Variants in FRMD3 observed in about 807,000 individuals in gnomAD.
FRMD3 encodes the protein FERM domain-containing protein 3.
FRMD3 carries 33 observed loss-of-function variants against 70.2 expected under a neutral mutation model. That is an observed-to-expected ratio of 0.47 (90% CI 0.36 to 0.63). FRMD3 has a LOEUF of 0.63. Among genes scored for constraint, FRMD3 ranks in the 20% least tolerant of loss-of-function variants. FRMD3 has a pLI of 0.00. For missense variants in FRMD3, 632 were observed against 711.4 expected (o/e 0.89, Z 1.27); for synonymous variants, 279 against 255.9 (o/e 1.09, Z -0.86).
chr9:83,455,910 A>G (rs1827805010), intron 1 of FRMD3, among the ~76,000 whole-genome samples: 1 of 152,234 alleles, frequency 6.6e-6, no homozygotes, highest in African/African-American at 2.4e-5. Flanking sequence ...CATAATCATT[A>G]AAAATATTGA....
chr9:83,567,913 T>C, the FRMD3 span, among the ~76,000 whole-genome samples: 16 of 152,228 alleles, frequency 1.1e-4, 1 homozygote, highest in Admixed American at 1.0e-3. Context: ...AGCCTCTGCC[T>C]GTTACCCAGT....
At chr9:83,427,132 T>C (rs1340054638) in intron 1 of FRMD3, among the ~76,000 whole-genome samples, 3 of 152,196 alleles carry the variant, frequency 2.0e-5, no homozygotes, top group Non-Finnish European at 4.4e-5. Context: ...TGTTCAAAAT[T>C]CAGGTTCCCA....
At chr9:83,399,766 C>G (rs1825901236) in intron 1 of FRMD3, among the ~76,000 whole-genome samples, 1 of 152,064 alleles carries the variant, frequency 6.6e-6, no homozygotes, top group Non-Finnish European at 1.5e-5. Flanking sequence ...TAAATAACTT[C>G]CTCAACTTGA....
intron 1 of FRMD3, among the ~76,000 whole-genome samples, chr9:83,520,059 G>A (rs552956940): frequency 8.5e-5 from 13 of 152,262 alleles, no homozygotes; most frequent in African/African-American, 3.1e-4. Flanking sequence ...GAGTTGATGG[G>A]TGCAGCAAAC....
intron 1 of FRMD3, among the ~76,000 whole-genome samples, chr9:83,525,385 T>C (rs1452200875): frequency 1.3e-5 from 2 of 152,208 alleles, no homozygotes; most frequent in Non-Finnish European, 2.9e-5. Context: ...GTTTGAGCAA[T>C]TTTGTAGAAC....
intron 1 of FRMD3, among the ~76,000 whole-genome samples, chr9:83,489,857 C>T (rs9314717): frequency 0.15 from 23,159 of 152,064 alleles, 2,029 homozygotes; most frequent in East Asian, 0.33. Flanking sequence ...GCAACCAGTA[C>T]GATAAACACA....
intron 7 of FRMD3, 68 bp from the exon 8 acceptor site, chr9:83,312,043 A>T: frequency 8.4e-7 from 1 of 1,185,144 alleles, no homozygotes; most frequent in Non-Finnish European, 1.2e-6. Flanking sequence ...AATGATAACC[A>T]ATATATTTAT....
chr9:83,567,510 T>C, the FRMD3 span, among the ~76,000 whole-genome samples: 2 of 152,370 alleles, frequency 1.3e-5, no homozygotes, highest in Admixed American at 1.3e-4. Context: ...TTTTCTTTTC[T>C]ACGGCATCAT....
chr9:83,474,865 A>T (rs1225271213), intron 1 of FRMD3, among the ~76,000 whole-genome samples: 1 of 152,010 alleles, frequency 6.6e-6, no homozygotes. Context: ...TAAACTAAGC[A>T]CAGCTGTCCC....
In FRMD3 at chr9:83,246,030, T is replaced by C. The variant is rs1271770498; in HGVS notation, c.*1888A>G. On this transcript the variant is annotated 3_prime_UTR_variant, in exon 14 of 14. Coordinates refer to ENST00000304195, the MANE Select transcript of FRMD3 (RefSeq NM_174938.6). ...CCCCTCAAACTTAATGGCAAATATATAGTCATTTGCTCGACTGCAGGCTTC... is the reference window on the plus strand; with the variant it reads ...CCCCTCAAACTTAATGGCAAATATACAGTCATTTGCTCGACTGCAGGCTTC... 6.1e-6 allele frequency: 6 copies of C among 985,224 alleles called. No individual in the cohort carries two copies. In the East Asian group the frequency reaches 5.7e-4, roughly 93 times the overall value. 61.0% of individuals were successfully genotyped at this position (985,224 alleles called of 1,614,324 possible). A position where few individuals can be genotyped will look rare whatever the true frequency, so the allele number is the denominator to read the frequency against.
intron 12 of FRMD3, chr9:83,297,647 G>C (rs2119012848): frequency 2.3e-6 from 1 of 441,374 alleles, no homozygotes; most frequent in South Asian, 1.7e-5. Flanking sequence ...TGGTGGGCAG[G>C]CTGCACTTTC....
At chr9:83,310,199 C>CA (rs1274762203) in intron 9 of FRMD3, among the ~76,000 whole-genome samples, 2 of 152,166 alleles carry the variant, frequency 1.3e-5, no homozygotes, top group East Asian at 3.9e-4. Flanking sequence ...TGTATCTTGG[C>CA]AAAAAGAGGT....
Position 83,371,054 on chromosome 9 carries a change from G to A in FRMD3, c.295+1859C>T, listed in dbSNP as rs1824956141. 2.0e-5 allele frequency among the ~76,000 whole-genome samples: 3 copies of A among 152,122 alleles called. No homozygotes were observed. The South Asian group carries it at 6.2e-4, about 31-fold the overall frequency. ...TATTAAGTATTGAAATGCCTTCAAA[G>A]ATAAATTTCTATTTCAAAACTGGGT... is the stretch of plus-strand genomic sequence containing the variant. On this transcript the variant is annotated intron_variant, in intron 3 of 13. Coordinates refer to ENST00000304195, the MANE Select transcript of FRMD3 (RefSeq NM_174938.6).
intron 1 of FRMD3, among the ~76,000 whole-genome samples, chr9:83,498,892 A>G (rs1446681040): frequency 6.6e-6 from 1 of 152,168 alleles, no homozygotes; most frequent in Non-Finnish European, 1.5e-5. Context: ...TGAGAGAAAT[A>G]TCTACTAGAT....
At chr9:83,542,764 T>C (rs117268887), upstream of FRMD3, among the ~76,000 whole-genome samples, 20 of 152,120 alleles carry the variant, frequency 1.3e-4, 1 homozygote, top group East Asian at 3.9e-3. Context: ...AATTGATCAG[T>C]GGAACAAAAT....
chr9:83,272,223 C>A (rs112189791), intron 13 of FRMD3, among the ~76,000 whole-genome samples: 1,633 of 152,210 alleles, frequency 0.011, 25 homozygotes, highest in African/African-American at 0.033. Context: ...CCTGCCTCAG[C>A]CTGCCCAGTG....
chr9:83,292,161 C>CTTT (rs11462258), intron 12 of FRMD3, among the ~76,000 whole-genome samples: 34 of 141,182 alleles, frequency 2.4e-4, no homozygotes, highest in South Asian at 6.7e-4. Flanking sequence ...TTAATAAATA[C>CTTT]TTTTTTTTTT....
At chr9:83,361,922 G>A (rs1824597826) in intron 3 of FRMD3, among the ~76,000 whole-genome samples, 1 of 152,176 alleles carries the variant, frequency 6.6e-6, no homozygotes, top group Non-Finnish European at 1.5e-5. Context: ...TTCTTCCCTA[G>A]AGCCTTCGGA....
chr9:83,255,498 C>T (rs1373276799), intron 13 of FRMD3, among the ~76,000 whole-genome samples: 2 of 133,134 alleles, frequency 1.5e-5, no homozygotes, highest in Non-Finnish European at 3.5e-5. Flanking sequence ...TTTCACCACT[C>T]CCATTTGACA....
Sources: gnomAD v4.1 joint callset for allele counts (sites outside exome capture counted in the v4.1 genomes callset) on GRCh38, gnomAD v4.1.1 for gene constraint, MANE v1.5 for transcripts, NCBI Gene and HGNC (gene_info 2026-07-23, HGNC 2026-07-21) for gene names.